IQCK: variants seen among roughly 807,000 people sequenced by gnomAD.
IQCK encodes IQ domain-containing protein K.
IQCK carries 29 observed loss-of-function variants against 28.1 expected under a neutral mutation model. That is an observed-to-expected ratio of 1.03 (90% CI 0.77 to 1.41). The LOEUF is 1.41. Ranked by LOEUF, IQCK falls within the 40% of genes most tolerant of loss-of-function variation. The pLI is 0.00. For missense variants in IQCK, 359 were observed against 314.7 expected (o/e 1.14, Z -1.07); for synonymous variants, 113 against 115.1 (o/e 0.98, Z 0.12).
chr16:19,807,950 A>G (rs1208876295), intron 7 of IQCK, among the ~76,000 whole-genome samples: 3 of 151,970 alleles, frequency 2.0e-5, no homozygotes, highest in Non-Finnish European at 1.5e-5. Context: ...TCCTTAAATG[A>G]GTATTTTTTT....
intron 9 of IQCK, among the ~76,000 whole-genome samples, chr16:19,845,195 G>A (rs757817553): frequency 1.1e-4 from 16 of 152,100 alleles, no homozygotes; most frequent in African/African-American, 2.4e-4. Context: ...ATCTTGTCTC[G>A]CAATCCCTAA....
intron 4 of IQCK, among the ~76,000 whole-genome samples, chr16:19,743,337 G>A (rs1055430977): frequency 2.0e-5 from 3 of 152,168 alleles, no homozygotes; most frequent in East Asian, 1.9e-4. Context: ...TGCCTCTGGA[G>A]GGAGGTAAAC....
At chr16:19,762,523 A>G (rs113479947) in intron 4 of IQCK, among the ~76,000 whole-genome samples, 20 of 152,302 alleles carry the variant, frequency 1.3e-4, no homozygotes, top group African/African-American at 4.8e-4. Flanking sequence ...GACTAAAGAA[A>G]TGTCTTTGGA....
chr16:19,726,026 C>T (rs1977644404), intron 1 of IQCK, among the ~76,000 whole-genome samples: 1 of 152,044 alleles, frequency 6.6e-6, no homozygotes, highest in Non-Finnish European at 1.5e-5. Flanking sequence ...CACCATTATC[C>T]TGCCTCAGCC....
chr16:19,774,396 T>C (rs1368643107), intron 6 of IQCK, among the ~76,000 whole-genome samples: 1 of 144,182 alleles, frequency 6.9e-6, no homozygotes, highest in East Asian at 2.0e-4. Flanking sequence ...ATTTAGCTAA[T>C]ACTTTTTTTT....
intron 7 of IQCK, among the ~76,000 whole-genome samples, chr16:19,810,673 G>T (rs572828604): frequency 6.5e-4 from 99 of 151,892 alleles, no homozygotes; most frequent in Non-Finnish European, 1.2e-3. Context: ...AGGCACAGTG[G>T]TGGGCGCCTG....
chr16:19,723,390 AATC>A (rs1977557930), intron 1 of IQCK, among the ~76,000 whole-genome samples: 1 of 152,052 alleles, frequency 6.6e-6, no homozygotes, highest in South Asian at 2.1e-4. Flanking sequence ...CATTCACCCA[AATC>A]ATCCTAATGG....
chr16:19,760,454 T>A (rs1339751124), intron 4 of IQCK, among the ~76,000 whole-genome samples: 1 of 152,200 alleles, frequency 6.6e-6, no homozygotes, highest in Non-Finnish European at 1.5e-5. Context: ...GCCCCAAATT[T>A]GTTCACTCTC....
chr16:19,759,821 T>G (rs552257583), intron 4 of IQCK, among the ~76,000 whole-genome samples: 5 of 152,066 alleles, frequency 3.3e-5, no homozygotes, highest in Non-Finnish European at 7.4e-5. Context: ...CTACAAAAAG[T>G]TTTAAAAATA....
intron 9 of IQCK, among the ~76,000 whole-genome samples, chr16:19,840,638 C>T (rs1446913018): frequency 2.0e-5 from 3 of 152,188 alleles, no homozygotes; most frequent in Admixed American, 6.5e-5. Flanking sequence ...TTATTCTTTA[C>T]ACCTTTGAAG....
At chr16:19,771,716 A>G (rs1339560264) in intron 6 of IQCK, among the ~76,000 whole-genome samples, 4 of 152,206 alleles carry the variant, frequency 2.6e-5, no homozygotes, top group Non-Finnish European at 5.9e-5. Flanking sequence ...GTATATAGAT[A>G]TAAAAAAATG....
At chr16:19,778,743 G>A (rs1461762778) in intron 6 of IQCK, among the ~76,000 whole-genome samples, 1 of 152,122 alleles carries the variant, frequency 6.6e-6, no homozygotes, top group Non-Finnish European at 1.5e-5. Flanking sequence ...ACTGCTTGGT[G>A]TGAAAAACCC....
exon 1 of IQCK, chr16:19,718,365 C>T: frequency 2.5e-6 from 4 of 1,609,766 alleles, no homozygotes; most frequent in Non-Finnish European, 2.5e-6. Context: ...AGCTGCTCTA[C>T]AGACTCGTCG....
At chr16:19,779,816 C>G (rs1323972115) in intron 6 of IQCK, among the ~76,000 whole-genome samples, 2 of 150,722 alleles carry the variant, frequency 1.3e-5, no homozygotes. Flanking sequence ...CTCCTGGGTT[C>G]ACGCCATTCT....
intron 9 of IQCK, among the ~76,000 whole-genome samples, chr16:19,854,656 G>T (rs755068906): frequency 5.3e-5 from 8 of 152,320 alleles, no homozygotes; most frequent in Admixed American, 5.2e-4. Flanking sequence ...GGGCAGCCCC[G>T]CTCCATCTGA....
chr16:19,841,624 A>G (rs533040430), intron 9 of IQCK, among the ~76,000 whole-genome samples: 19 of 152,336 alleles, frequency 1.2e-4, no homozygotes, highest in African/African-American at 4.3e-4. Context: ...TAAAACAACA[A>G]CAACTTGAGC....
At chr16:19,759,095 C>T (rs2055095122) in intron 4 of IQCK, among the ~76,000 whole-genome samples, 1 of 152,142 alleles carries the variant, frequency 6.6e-6, no homozygotes, top group Admixed American at 6.5e-5. Context: ...AACCTGTGTA[C>T]ATGAGTTTTT....
At chr16:19,722,046 A>G (rs181893269) in intron 1 of IQCK, among the ~76,000 whole-genome samples, 2 of 152,296 alleles carry the variant, frequency 1.3e-5, no homozygotes, top group East Asian at 1.9e-4. Context: ...TTGTGAATCA[A>G]TACTTGTTCC....
intron 4 of IQCK, among the ~76,000 whole-genome samples, chr16:19,758,061 C>A (rs1400601592): frequency 6.6e-6 from 1 of 152,116 alleles, no homozygotes; most frequent in African/African-American, 2.4e-5. Flanking sequence ...GTTCCCTCTG[C>A]TCTCACAAAC....
Sources: gnomAD v4.1 joint callset for allele counts (sites outside exome capture counted in the v4.1 genomes callset) on GRCh38, gnomAD v4.1.1 for gene constraint, MANE v1.5 for transcripts, NCBI Gene and HGNC (gene_info 2026-07-23, HGNC 2026-07-21) for gene names.